PRKN: variants seen among roughly 807,000 people sequenced by gnomAD.
The protein encoded by PRKN is E3 ubiquitin-protein ligase parkin.
Under a neutral mutation model 59.5 loss-of-function variants are expected in PRKN, and 56 were observed. The observed-to-expected ratio is 0.94, with a 90% confidence interval of 0.76 to 1.18. The LOEUF (loss-of-function observed/expected upper bound fraction) is 1.18. Ranked by LOEUF, PRKN falls within the 50% of genes most tolerant of loss-of-function variation. The pLI, the probability that PRKN is intolerant of heterozygous loss-of-function variation, is 0.00. For synonymous variants in PRKN, 250 were observed against 222.1 expected, an observed-to-expected ratio of 1.13 and a Z score of -1.12; for missense variants, 657 against 596.4, an observed-to-expected ratio of 1.10 and a Z score of -1.06.
At chr6:162,703,400 T>C (rs566137029) in intron 1 of PRKN, among the ~76,000 whole-genome samples, 86 of 152,364 alleles carry the variant, frequency 5.6e-4, no homozygotes, top group Middle Eastern at 6.8e-3. Flanking sequence ...TGTGATACTG[T>C]TCCATTCTAT....
intron 2 of PRKN, among the ~76,000 whole-genome samples, chr6:162,388,851 T>C (rs2128143562): frequency 6.6e-6 from 1 of 152,032 alleles, no homozygotes; most frequent in Middle Eastern, 3.4e-3. Flanking sequence ...GAATATAAAG[T>C]CGGGTATGGG....
At chr6:162,339,940 C>T (rs1784089647) in intron 2 of PRKN, among the ~76,000 whole-genome samples, 1 of 146,584 alleles carries the variant, frequency 6.8e-6, no homozygotes, top group African/African-American at 2.5e-5. Context: ...TTGAAGGCAG[C>T]ATGCTCGTTA....
At chr6:162,236,794 C>G (rs903283829) in intron 3 of PRKN, among the ~76,000 whole-genome samples, 1 of 134,164 alleles carries the variant, frequency 7.5e-6, no homozygotes, top group African/African-American at 2.8e-5. Flanking sequence ...AACTCCATTT[C>G]GAAAAAAGAA....
At chr6:161,785,686 C>G (rs1332958543) in intron 7 of PRKN, 86 bp downstream of exon 7, 1 of 1,275,442 alleles carries the variant, frequency 7.8e-7, no homozygotes, top group Non-Finnish European at 1.1e-6. Context: ...CTAGGGTTTA[C>G]GTATATCTAA....
At chr6:161,908,404 G>A (rs1426812128) in intron 6 of PRKN, among the ~76,000 whole-genome samples, 1 of 152,070 alleles carries the variant, frequency 6.6e-6, no homozygotes, top group Non-Finnish European at 1.5e-5. Flanking sequence ...TTACTTTGAG[G>A]GGAGGAATAT....
At chr6:162,349,985 A>G (rs1253197185) in intron 2 of PRKN, among the ~76,000 whole-genome samples, 2 of 152,238 alleles carry the variant, frequency 1.3e-5, no homozygotes, top group African/African-American at 4.8e-5. Flanking sequence ...AGAAGTACTA[A>G]GTGAGTTTAG....
rs566213931 is a variant in PRKN at position 162,250,512 on chromosome 6, C to T, written c.412+12013G>A. Among the ~76,000 whole-genome samples the T allele has an allele frequency of 1.6e-3, 237 of 152,282 alleles. 1 individual carries two copies. The highest frequency in any genetic ancestry group is 5.3e-3 in the African/African-American group (220 of 41,552). ...GAGAGTTGTATAATGAGTAACCATCCCCCAGATTCAATTATAAATAATGTG... is the reference window on the plus strand; with the variant it reads ...GAGAGTTGTATAATGAGTAACCATCTCCCAGATTCAATTATAAATAATGTG... On this transcript the variant is annotated intron_variant, in intron 3 of 11. Coordinates refer to ENST00000366898, the MANE Select transcript of PRKN (RefSeq NM_004562.3).
chr6:162,347,333 A>G (rs1784444205), intron 2 of PRKN, among the ~76,000 whole-genome samples: 1 of 61,290 alleles, frequency 1.6e-5, no homozygotes, highest in African/African-American at 1.6e-4. Context: ...TTTAGTATAT[A>G]GAATTTTTTT....
intron 9 of PRKN, among the ~76,000 whole-genome samples, chr6:161,421,622 C>T (rs1452837361): frequency 6.6e-6 from 1 of 152,092 alleles, no homozygotes; most frequent in Non-Finnish European, 1.5e-5. Context: ...CAGATAGAGA[C>T]GTTTACCCCT....
At chr6:162,277,484 A>G (rs1021447927) in intron 2 of PRKN, among the ~76,000 whole-genome samples, 2 of 152,210 alleles carry the variant, frequency 1.3e-5, no homozygotes, top group Non-Finnish European at 2.9e-5. Flanking sequence ...GTTCTATACT[A>G]AAGCAAAATA....
chr6:162,240,047 G>C (rs939218744), intron 3 of PRKN, among the ~76,000 whole-genome samples: 1 of 152,078 alleles, frequency 6.6e-6, no homozygotes, highest in East Asian at 1.9e-4. Flanking sequence ...TGAAGGTTAA[G>C]AAATTTATAA....
rs79885805 is a variant in PRKN, at chr6:162,249,847, A to G, written c.412+12678T>C. Among the ~76,000 whole-genome samples the G allele has an allele frequency of 3.9e-5, 6 of 152,218 alleles. 1 individual carries two copies. Among genetic ancestry groups the G allele is most frequent in the South Asian group, 4.1e-4 (2 of 4,820 alleles). ...TGATTAAAACAAAACAAAACAAAAC[A>G]AAACGAAACCTTTGTGGGCTAGGTG... is the stretch of plus-strand genomic sequence containing the variant. On this transcript the variant is annotated intron_variant, in intron 3 of 11. Coordinates refer to ENST00000366898, the MANE Select transcript of PRKN (RefSeq NM_004562.3).
rs1781372684 is a variant in PRKN, at chr6:161,582,437, T to C, written c.872-13021A>G. 6.6e-6 allele frequency among the ~76,000 whole-genome samples: 1 copy of C among 151,002 alleles called. No homozygotes were observed. Reference sequence around the variant, plus strand: ...ACTATTATTATTATTATTATTATTATTATTTTTGAGACAGAGTCTCGCTCT... The same window carrying C: ...ACTATTATTATTATTATTATTATTACTATTTTTGAGACAGAGTCTCGCTCT... On this transcript the variant is annotated intron_variant, in intron 7 of 11. Transcript: ENST00000366898. The surrounding 1 kb of genome is among the most constrained non-coding windows in gnomAD (Gnocchi z 4.4).
chr6:161,950,772 G>C (rs1356942884), intron 6 of PRKN, among the ~76,000 whole-genome samples: 1 of 151,982 alleles, frequency 6.6e-6, no homozygotes, highest in Non-Finnish European at 1.5e-5. Context: ...ATGCAATGGG[G>C]TTTCAATATA....
intron 6 of PRKN, among the ~76,000 whole-genome samples, chr6:161,903,625 A>G (rs12214649): frequency 0.14 from 21,836 of 151,958 alleles, 1,923 homozygotes; most frequent in Non-Finnish European, 0.2. Context: ...ACATGAGCTC[A>G]TATTTTATTC....
chr6:162,450,084 C>T (rs1790516121), intron 1 of PRKN, among the ~76,000 whole-genome samples: 1 of 152,124 alleles, frequency 6.6e-6, no homozygotes, highest in Non-Finnish European at 1.5e-5. Context: ...CGAGGAGACA[C>T]AGAAGAAAAT....
At chr6:161,874,156 TTATATATAA>T (rs1314721678) in intron 6 of PRKN, among the ~76,000 whole-genome samples, 1 of 18,628 alleles carries the variant, frequency 5.4e-5, no homozygotes, top group Non-Finnish European at 9.0e-5. Flanking sequence ...ATAATATATA[TTATATATAA>T]TATATAATAT....
chr6:161,692,587 T>C (rs1330347333), intron 7 of PRKN, among the ~76,000 whole-genome samples: 2 of 152,140 alleles, frequency 1.3e-5, no homozygotes, highest in Non-Finnish European at 1.5e-5. Context: ...ACTATAGGAT[T>C]AGAAAAAGAT....
intron 2 of PRKN, among the ~76,000 whole-genome samples, chr6:162,319,854 T>C (rs1435641580): frequency 6.6e-6 from 1 of 151,984 alleles, no homozygotes; most frequent in Non-Finnish European, 1.5e-5. Flanking sequence ...TTTCAACTAA[T>C]GTAAACACTC....
Sources: gnomAD v4.1 joint callset for allele counts (sites outside exome capture counted in the v4.1 genomes callset) on GRCh38, gnomAD v4.1.1 for gene constraint, Gnocchi (gnomAD v3.1) non-coding constraint, MANE v1.5 for transcripts, NCBI Gene and HGNC (gene_info 2026-07-23, HGNC 2026-07-21) for gene names.